The following RNF146 variants were observed in gnomAD, a reference collection of about 807,000 sequenced individuals.
RNF146 encodes the protein E3 ubiquitin-protein ligase RNF146.
RNF146 carries 11 observed loss-of-function variants against 29.7 expected under a neutral mutation model. That is an observed-to-expected ratio of 0.37 (90% CI 0.23 to 0.61). The LOEUF (loss-of-function observed/expected upper bound fraction) is 0.61. Ranked by LOEUF, RNF146 falls within the 20% of genes least tolerant of loss-of-function variation. The probability of loss-of-function intolerance (pLI) is 0.66; values close to 1 mark genes in which losing one functional copy is unlikely to be tolerated. For missense variants in RNF146, 342 were observed against 438.9 expected, an observed-to-expected ratio of 0.78 and a Z score of 1.97; for synonymous variants, 150 against 159.7, an observed-to-expected ratio of 0.94 and a Z score of 0.46.
intron 2 of RNF146, chr6:127,285,320 G>C (rs1366427420): frequency 3.0e-6 from 3 of 984,906 alleles, no homozygotes; most frequent in African/African-American, 1.7e-5. Context: ...TGATAGCCTA[G>C]GATTATTGTT....
At position 127,269,994 on chromosome 6, in the gene RNF146, T is replaced by A. The variant is rs944311973; in HGVS notation, c.-109+3069T>A. On this transcript the variant is annotated intron_variant, in intron 1 of 2. Transcript: ENST00000368314. The stretch of plus-strand genomic sequence containing the variant: ...ATTTATAATTGATATTTGTCTTTGT[T>A]TTTATATGTATTTATATTGATGTTA... Among the ~76,000 whole-genome samples the A allele has an allele frequency of 4.6e-5, 7 of 152,280 alleles. No individual in the cohort carries two copies. In the East Asian group the frequency reaches 7.7e-4, roughly 17 times the overall value.
intron 2 of RNF146, among the ~76,000 whole-genome samples, chr6:127,281,038 T>C (rs1482619395): frequency 6.6e-6 from 1 of 151,746 alleles, no homozygotes; most frequent in Admixed American, 6.6e-5. Context: ...TTAATTACAG[T>C]GTTTTTCTTA....
intron 1 of RNF146, among the ~76,000 whole-genome samples, chr6:127,276,531 G>T (rs9401945): frequency 6.6e-6 from 1 of 151,750 alleles, no homozygotes; most frequent in African/African-American, 2.4e-5. Context: ...AGATATGAGG[G>T]GGCCAAGGGT....
chr6:127,277,849 T>A (rs971354172), intron 1 of RNF146, among the ~76,000 whole-genome samples: 1 of 152,110 alleles, frequency 6.6e-6, no homozygotes, highest in Non-Finnish European at 1.5e-5. Flanking sequence ...CCAATCAAGT[T>A]GACACTCGGT....
At chr6:127,273,093 C>T (rs1251592742) in intron 1 of RNF146, among the ~76,000 whole-genome samples, 3 of 152,024 alleles carry the variant, frequency 2.0e-5, no homozygotes, top group Non-Finnish European at 2.9e-5. Context: ...GGGAGCACTT[C>T]TAGCATCACT....
intron 2 of RNF146, among the ~76,000 whole-genome samples, chr6:127,285,693 C>T (rs1779422856): frequency 6.6e-6 from 1 of 151,810 alleles, no homozygotes; most frequent in South Asian, 2.1e-4. Flanking sequence ...CTTGCATGTG[C>T]TTCTGCCTGG....
intron 1 of RNF146, among the ~76,000 whole-genome samples, chr6:127,278,617 A>G (rs986262346): frequency 2.6e-5 from 4 of 151,976 alleles, no homozygotes; most frequent in Non-Finnish European, 5.9e-5. Context: ...CCTTTTGCCT[A>G]ATATTTCCGC....
chr6:127,271,428 AAT>A (rs1371956307), intron 1 of RNF146, among the ~76,000 whole-genome samples: 1 of 152,212 alleles, frequency 6.6e-6, no homozygotes, highest in Non-Finnish European at 1.5e-5. Context: ...ATTATAACAG[AAT>A]ATGCAGTTTT....
intron 1 of RNF146, among the ~76,000 whole-genome samples, chr6:127,272,534 T>C (rs1262181555): frequency 2.0e-5 from 3 of 152,246 alleles, no homozygotes; most frequent in African/African-American, 7.2e-5. Flanking sequence ...CTCTTAGGGC[T>C]GCTGTAGGAT....
rs1779728744 is a variant in RNF146, at chr6:127,287,798, G to A, written c.*105G>A. On this transcript the variant is annotated 3_prime_UTR_variant, in exon 3 of 3. Transcript: ENST00000368314. Reference sequence around the variant, plus strand: ...CTAGTAGTGCATTTTGGGAGTTGGGGTGGGAAGGGGTATGGGAAGGATAGA... The same window carrying A: ...CTAGTAGTGCATTTTGGGAGTTGGGATGGGAAGGGGTATGGGAAGGATAGA... 1.4e-6 allele frequency: 1 copy of A among 710,566 alleles called. No homozygotes were observed. Among genetic ancestry groups the A allele is most frequent in the Non-Finnish European group, 2.5e-6 (1 of 405,666 alleles). 44.0% of individuals were successfully genotyped at this position (710,566 alleles called of 1,614,324 possible).
At chr6:127,281,450 T>A (rs561783319) in intron 2 of RNF146, among the ~76,000 whole-genome samples, 1 of 151,818 alleles carries the variant, frequency 6.6e-6, no homozygotes, top group South Asian at 2.1e-4. Context: ...CTATTGAAAC[T>A]GAACAGAGGA....
At chr6:127,283,567 T>C (rs1363976700) in intron 2 of RNF146, among the ~76,000 whole-genome samples, 1 of 151,802 alleles carries the variant, frequency 6.6e-6, no homozygotes, top group African/African-American at 2.4e-5. Context: ...TTAAAAAGCC[T>C]TGAAGTATGT....
At chr6:127,280,084 G>A (rs1185840184) in intron 1 of RNF146, 147 bp from the exon 2 acceptor site, 9 of 459,468 alleles carry the variant, frequency 2.0e-5, no homozygotes, top group Non-Finnish European at 3.5e-5. Flanking sequence ...AGAACTTACA[G>A]TCATGTTGAA....
At chr6:127,268,715 G>C (rs893046176) in intron 1 of RNF146, among the ~76,000 whole-genome samples, 1 of 151,982 alleles carries the variant, frequency 6.6e-6, no homozygotes, top group African/African-American at 2.4e-5. Context: ...ATAATTATCA[G>C]GAAAACTCTC....
At chr6:127,279,862 C>T (rs1466523131) in intron 1 of RNF146, among the ~76,000 whole-genome samples, 1 of 151,662 alleles carries the variant, frequency 6.6e-6, no homozygotes, top group African/African-American at 2.4e-5. Context: ...GAACTGTTTT[C>T]TTGATTTCTT....
chr6:127,285,189 G>A, intron 2 of RNF146: 1 of 984,800 alleles, frequency 1.0e-6, no homozygotes, highest in Non-Finnish European at 1.2e-6. Context: ...AAAACTTACT[G>A]TGTTGCTTCC....
chr6:127,280,510 A>C, intron 2 of RNF146, 170 bp downstream of exon 2: 1 of 1,266,314 alleles, frequency 7.9e-7, no homozygotes. Flanking sequence ...GTTATCGTTA[A>C]TGTAGATTTC....
At chr6:127,279,552 A>C (rs1284281733) in intron 1 of RNF146, among the ~76,000 whole-genome samples, 4 of 145,888 alleles carry the variant, frequency 2.7e-5, no homozygotes, top group Non-Finnish European at 6.1e-5. Flanking sequence ...TGGATTTTTC[A>C]AGATTGTTTG....
chr6:127,284,291 A>G (rs1306290641), intron 2 of RNF146, among the ~76,000 whole-genome samples: 3 of 151,834 alleles, frequency 2.0e-5, no homozygotes, highest in Admixed American at 2.0e-4. Context: ...TTTGTTCATA[A>G]GGTACTTAGA....
Sources: allele counts gnomAD v4.1 joint callset (sites outside exome capture counted in the v4.1 genomes callset), GRCh38; gene constraint gnomAD v4.1.1; transcripts MANE v1.5; gene names NCBI Gene and HGNC (gene_info 2026-07-23, HGNC 2026-07-21).